RBFOX3: variants seen among roughly 807,000 people sequenced by gnomAD.
RBFOX3 encodes the protein RNA binding fox-1 homolog 3.
A neutral mutation model predicts 48.7 loss-of-function variants in RBFOX3; 17 were observed. That is an observed-to-expected ratio of 0.35 (90% CI 0.24 to 0.52). RBFOX3 has a LOEUF of 0.52. RBFOX3 is among the 20% of genes least tolerant of loss of function. RBFOX3 has a pLI of 0.94. For missense variants in RBFOX3, 382 were observed against 497.5 expected, an observed-to-expected ratio of 0.77 and a Z score of 2.21; for synonymous variants, 212 against 209.5, an observed-to-expected ratio of 1.01 and a Z score of -0.10.
chr17:79,146,914 C>T (rs1862374134), intron 4 of RBFOX3, among the ~76,000 whole-genome samples: 1 of 152,222 alleles, frequency 6.6e-6, no homozygotes, highest in African/African-American at 2.4e-5. Flanking sequence ...CTGGCAGCTC[C>T]TTGGCTGCCC....
At chr17:79,616,692 G>A in the RBFOX3 span, among the ~76,000 whole-genome samples, 2 of 151,918 alleles carry the variant, frequency 1.3e-5, no homozygotes, top group African/African-American at 4.8e-5. Flanking sequence ...ATCCAAGCAC[G>A]CTGTGGGACC....
intron 3 of RBFOX3, among the ~76,000 whole-genome samples, chr17:79,293,854 G>A (rs1336601833): frequency 6.6e-6 from 1 of 152,208 alleles, no homozygotes; most frequent in African/African-American, 2.4e-5. Flanking sequence ...GCCAGATGAA[G>A]GAGAAGAGAA....
chr17:79,206,260 A>C (rs2057464115), intron 4 of RBFOX3, among the ~76,000 whole-genome samples: 1 of 152,134 alleles, frequency 6.6e-6, no homozygotes, highest in Non-Finnish European at 1.5e-5. Flanking sequence ...TGCTGGAGGC[A>C]GCAAATATTC....
At position 79,484,091 on chromosome 17, in the gene RBFOX3, C is replaced by G. The variant is rs1218536130; in HGVS notation, c.-319-1493G>C. Among the ~76,000 whole-genome samples the G allele has an allele frequency of 5.3e-5, 8 of 152,366 alleles. No individual in the cohort carries two copies. In the East Asian group the frequency reaches 1.3e-3, roughly 26 times the overall value. ...TGTCTCTGGGACAGAGTCATGAGATCAGGGTGGCCAGGGAGTGGCTGAGCT... is the reference window on the plus strand; with the variant it reads ...TGTCTCTGGGACAGAGTCATGAGATGAGGGTGGCCAGGGAGTGGCTGAGCT... On this transcript the variant is annotated intron_variant, in intron 1 of 14. Transcript: ENST00000693108.
intron 2 of RBFOX3, among the ~76,000 whole-genome samples, chr17:79,442,225 GA>G (rs1555735262): frequency 0.51 from 1,876 of 3,692 alleles, 432 homozygotes; most frequent in Non-Finnish European, 0.53. Context: ...GAGAGAGAGA[GA>G]GAGAGAGAGA....
chr17:79,118,819 A>G (rs1361739151), intron 4 of RBFOX3, among the ~76,000 whole-genome samples: 2 of 150,718 alleles, frequency 1.3e-5, no homozygotes, highest in African/African-American at 4.9e-5. Context: ...AAAAATAAAA[A>G]AAAAAAAAAT....
chr17:79,351,004 T>C (rs1415129084), intron 2 of RBFOX3, among the ~76,000 whole-genome samples: 1 of 152,226 alleles, frequency 6.6e-6, no homozygotes, highest in African/African-American at 2.4e-5. Flanking sequence ...TTATGCACGA[T>C]GAATGGTTCA....
intron 3 of RBFOX3, among the ~76,000 whole-genome samples, chr17:79,244,593 C>T (rs566202580): frequency 2.0e-5 from 3 of 149,876 alleles, no homozygotes; most frequent in Admixed American, 1.4e-4. Context: ...GGGCCTGGTT[C>T]CCAGAGCATG....
chr17:79,474,274 T>C (rs1049728883), intron 2 of RBFOX3, among the ~76,000 whole-genome samples: 17 of 152,192 alleles, frequency 1.1e-4, no homozygotes, highest in Non-Finnish European at 1.5e-4. Flanking sequence ...CTAAAACATA[T>C]GGATTTATAC....
intron 4 of RBFOX3, among the ~76,000 whole-genome samples, chr17:79,160,328 G>A (rs1389196586): frequency 1.3e-5 from 2 of 152,226 alleles, no homozygotes; most frequent in African/African-American, 4.8e-5. Context: ...GGCAAGGCAC[G>A]AGCGTGTGAG....
intron 1 of RBFOX3, among the ~76,000 whole-genome samples, chr17:79,608,981 C>T (rs1191077424): frequency 7.1e-6 from 1 of 139,866 alleles, no homozygotes; most frequent in Non-Finnish European, 1.5e-5. Flanking sequence ...TGACCTGGGG[C>T]GCCCCTGCAA....
intron 1 of RBFOX3, among the ~76,000 whole-genome samples, chr17:79,610,434 T>TGCCGCC (rs1285452612): frequency 2.0e-5 from 3 of 151,668 alleles, no homozygotes; most frequent in Admixed American, 6.5e-5. Context: ...CCGGGCATTG[T>TGCCGCC]GCCGCCGCCG....
At chr17:79,240,339 G>A (rs1370539572) in intron 3 of RBFOX3, among the ~76,000 whole-genome samples, 2 of 152,200 alleles carry the variant, frequency 1.3e-5, no homozygotes, top group Non-Finnish European at 2.9e-5. Flanking sequence ...CTCATTGGTG[G>A]CCCTTCAGCT....
chr17:79,477,276 A>AG lies in RBFOX3; in HGVS notation c.-175+5177dup, dbSNP rs1491283449. On this transcript the variant is annotated intron_variant, in intron 2 of 14. Transcript: ENST00000693108. This position sits in a 1 kb window ranked among gnomAD's most constrained non-coding sequence, Gnocchi z 4.8. ...ATAAATTAAAAAAAAAAAAAAAAAA[A>AG]GAGGGCGCGGTGGCTCACACCTGTA... 7.4e-6 allele frequency among the ~76,000 whole-genome samples: 1 copy of AG among 135,066 alleles called. No individual in the cohort carries two copies. The highest frequency in any genetic ancestry group is 1.6e-5 in the Non-Finnish European group (1 of 61,682). 88.6% of individuals were successfully genotyped at this position (135,066 alleles called of 152,430 possible).
intron 1 of RBFOX3, among the ~76,000 whole-genome samples, chr17:79,579,031 G>C (rs2092955447): frequency 6.6e-6 from 1 of 152,194 alleles, no homozygotes; most frequent in South Asian, 2.1e-4. Flanking sequence ...CATCGTGCTT[G>C]GTCCATCTCC....
intron 3 of RBFOX3, among the ~76,000 whole-genome samples, chr17:79,260,161 C>A (rs1183109616): frequency 6.6e-6 from 1 of 152,044 alleles, no homozygotes; most frequent in Non-Finnish European, 1.5e-5. Context: ...CTGGTTTAAT[C>A]ATCAAATAAG....
Position 79,204,316 on chromosome 17 carries a change from T to C in RBFOX3, c.-34+31450A>G, listed in dbSNP as rs1447281551. On this transcript the variant is annotated intron_variant, in intron 4 of 14. Transcript: ENST00000693108. The surrounding 1 kb of genome is among the most constrained non-coding windows in gnomAD (Gnocchi z 4.5). ...ACACCAGCGGGCGCCGGGGAGCGGG[T>C]ACACACCAGCGGGTGCCGGGGAGCA... 6.6e-6 allele frequency among the ~76,000 whole-genome samples: 1 copy of C among 151,526 alleles called. No individual in the cohort carries two copies. Among genetic ancestry groups the C allele is most frequent in the Non-Finnish European group, 1.5e-5 (1 of 67,870 alleles).
At chr17:79,113,322 G>A (rs753848145) in intron 5 of RBFOX3, among the ~76,000 whole-genome samples, 2 of 152,144 alleles carry the variant, frequency 1.3e-5, no homozygotes, top group Admixed American at 6.5e-5. Flanking sequence ...GTTGGGGAGC[G>A]CATGGCCTCT....
intron 2 of RBFOX3, among the ~76,000 whole-genome samples, chr17:79,465,396 C>T (rs2076174341): frequency 6.6e-6 from 1 of 152,138 alleles, no homozygotes. Context: ...AAGTACACAC[C>T]ACGGAGGACT....
Sources: allele counts gnomAD v4.1 joint callset (sites outside exome capture counted in the v4.1 genomes callset), GRCh38; gene constraint gnomAD v4.1.1; non-coding constraint Gnocchi (gnomAD v3.1); transcripts MANE v1.5; gene names NCBI Gene and HGNC (gene_info 2026-07-23, HGNC 2026-07-21).